Variants in XIAP observed in about 807,000 individuals in gnomAD.
The protein encoded by XIAP is E3 ubiquitin-protein ligase XIAP.
A neutral mutation model predicts 33.1 loss-of-function variants in XIAP; 3 were observed. The observed-to-expected ratio is 0.09, with a 90% CI of 0.04 to 0.23. The LOEUF (loss-of-function observed/expected upper bound fraction) is 0.23. Among genes scored for constraint, XIAP ranks in the 10% least tolerant of loss-of-function variants. The pLI, the probability that XIAP is intolerant of heterozygous loss-of-function variation, is 1.00. For synonymous variants in XIAP, 98 were observed against 121.3 expected, an observed-to-expected ratio of 0.81 and a Z score of 1.26; for missense variants, 264 against 363.0, an observed-to-expected ratio of 0.73 and a Z score of 2.22.
At chrX:123,867,028 T>G (rs2053145366) in intron 1 of XIAP, among the ~76,000 whole-genome samples, 1 of 87,695 alleles carries the variant, frequency 1.1e-5, no homozygotes, top group African/African-American at 4.6e-5. Context: ...TGTCTACAGG[T>G]TGTTTTAATC....
At chrX:123,876,705 T>TTAAATAAATAAA (rs779561599) in intron 1 of XIAP, among the ~76,000 whole-genome samples, 15,925 of 107,002 alleles carry the variant, frequency 0.15, 1,198 homozygotes, top group South Asian at 0.3. Flanking sequence ...GCCTTGTCTT[T>TTAAATAAATAAA]TAAATAAATA....
intron 5 of XIAP, among the ~76,000 whole-genome samples, chrX:123,894,993 T>A (rs753951205): frequency 2.2e-3 from 231 of 103,881 alleles, no homozygotes; most frequent in African/African-American, 5.3e-3. Flanking sequence ...AATAAATAAA[T>A]AAAACATAAA....
chrX:123,897,353 C>T (rs751971267), intron 5 of XIAP, among the ~76,000 whole-genome samples: 1 of 111,891 alleles, frequency 8.9e-6, no homozygotes, highest in Admixed American at 9.6e-5. Flanking sequence ...CCTATGTTTT[C>T]TTCTAAGAGT....
At chrX:123,877,801 G>A (rs1314894294) in intron 1 of XIAP, among the ~76,000 whole-genome samples, 3 of 109,952 alleles carry the variant, frequency 2.7e-5, no homozygotes, top group East Asian at 2.9e-4. Context: ...GTGAAACCCC[G>A]TCTCTACTAA....
intron 5 of XIAP, among the ~76,000 whole-genome samples, chrX:123,900,018 C>G (rs956062141): frequency 9.0e-6 from 1 of 111,678 alleles, no homozygotes; most frequent in African/African-American, 3.3e-5. Context: ...TCAGTCCTAC[C>G]CGCTCTGCTA....
At chrX:123,859,927 G>A (rs1336579404), upstream of XIAP, 1 of 255,346 alleles carries the variant, frequency 3.9e-6, no homozygotes, top group Non-Finnish European at 7.5e-6. Flanking sequence ...AATGGCGGAG[G>A]GGGGAAGAAG....
intron 1 of XIAP, among the ~76,000 whole-genome samples, chrX:123,885,386 T>C (rs2053342215): frequency 8.9e-6 from 1 of 112,080 alleles, no homozygotes; most frequent in African/African-American, 3.2e-5. Flanking sequence ...ATTTAAAAAT[T>C]ATTAGTTTTA....
At chrX:123,902,930 G>A (rs1040048123) in intron 6 of XIAP, among the ~76,000 whole-genome samples, 1 of 110,785 alleles carries the variant, frequency 9.0e-6, no homozygotes, top group Non-Finnish European at 1.9e-5. Flanking sequence ...TGACCTAGAA[G>A]AGGGCTTTGT....
chrX:123,898,948 A>G (rs1238745382), intron 5 of XIAP, among the ~76,000 whole-genome samples: 1 of 102,542 alleles, frequency 9.8e-6, no homozygotes, highest in Non-Finnish European at 2.0e-5. Context: ...GTGAAACCCC[A>G]TCTCTACTAA....
In XIAP at chrX:123,888,674, G is replaced by A. The variant is rs749597959; in HGVS notation, c.933G>A (p.Lys311=). The change falls in exon 3 of 7, where the codon AAG becomes AAA. Residue 311 remains lysine (K), a synonymous_variant. Coordinates refer to ENST00000371199, the MANE Select transcript of XIAP (RefSeq NM_001167.4). ...FHCGGGLTDW[K]PSEDPWEQHA... ...GTGGAGGAGGGCTAACTGATTGGAA[G>A]CCCAGTGAAGACCCTTGGGAACAAC... 9.1e-6 allele frequency: 11 copies of A among 1,210,343 alleles called. No homozygotes were observed. In the East Asian group the frequency reaches 3.0e-4, roughly 33 times the overall value.
At chrX:123,863,921 G>A (rs2053104302) in intron 1 of XIAP, among the ~76,000 whole-genome samples, 2 of 111,971 alleles carry the variant, frequency 1.8e-5, no homozygotes, top group Non-Finnish European at 1.9e-5. Context: ...TACTATACCT[G>A]TAATTTTATT....
chrX:123,889,448 G>A (rs995395493), intron 3 of XIAP, among the ~76,000 whole-genome samples: 17 of 107,848 alleles, frequency 1.6e-4, no homozygotes, highest in Admixed American at 1.3e-3. Flanking sequence ...TCAGGTGATC[G>A]GCCCGCCTCG....
At chrX:123,892,860 G>A in intron 5 of XIAP, 87 bp downstream of exon 5, 1 of 900,200 alleles carries the variant, frequency 1.1e-6, no homozygotes, top group Non-Finnish European at 1.6e-6. Context: ...TCACTCTGTT[G>A]CCCAGGCTGG....
At chrX:123,865,393 T>A (rs34656663) in intron 1 of XIAP, among the ~76,000 whole-genome samples, 6,647 of 110,604 alleles carry the variant, frequency 0.06, 212 homozygotes, top group Non-Finnish European at 0.092. Flanking sequence ...ATGTTCACAT[T>A]TTTGATATGT....
At chrX:123,860,051 T>A (rs767940624), upstream of XIAP, 199 of 325,680 alleles carry the variant, frequency 6.1e-4, no homozygotes, top group African/African-American at 4.9e-3. Flanking sequence ...CGGTGTCTCT[T>A]TGAGGCCCTG....
At chrX:123,860,003 G>A, upstream of XIAP, 1 of 312,789 alleles carries the variant, frequency 3.2e-6, no homozygotes, top group East Asian at 1.0e-4. Context: ...CCGGGGCCCA[G>A]TGGCGCAGCC....
intron 4 of XIAP, among the ~76,000 whole-genome samples, chrX:123,892,496 G>A (rs1012657643): frequency 7.2e-5 from 8 of 111,818 alleles, no homozygotes; most frequent in African/African-American, 2.6e-4. Context: ...ACTCTACCTT[G>A]AAGTCATTCA....
intron 5 of XIAP, among the ~76,000 whole-genome samples, chrX:123,894,741 C>T (rs921916796): frequency 1.8e-5 from 2 of 108,573 alleles, no homozygotes; most frequent in Non-Finnish European, 3.8e-5. Flanking sequence ...GCACTACACC[C>T]TGGGCAAAAA....
Position 123,862,321 on chromosome X carries a change from G to T in XIAP, c.-33+2028G>T, listed in dbSNP as rs192837748. Among the ~76,000 whole-genome samples the T allele has an allele frequency of 2.2e-4, 24 of 107,995 alleles. No individual in the cohort carries two copies. In the East Asian group the frequency reaches 5.7e-3, roughly 26 times the overall value. 93.8% of individuals were successfully genotyped at this position (107,995 alleles called of 115,157 possible). On this transcript the variant is annotated intron_variant, in intron 1 of 6. Coordinates refer to ENST00000371199, the MANE Select transcript of XIAP (RefSeq NM_001167.4). ...TGACCTCAGGTGATGCACCCGCCTC[G>T]GCCTCCCAAAGTGCTGGGATTAAAG...
Sources: allele counts gnomAD v4.1 joint callset (sites outside exome capture counted in the v4.1 genomes callset), GRCh38; gene constraint gnomAD v4.1.1; transcripts MANE v1.5; gene names NCBI Gene and HGNC (gene_info 2026-07-23, HGNC 2026-07-21).